Variants in ARHGEF12 observed in about 807,000 individuals in gnomAD.
ARHGEF12 encodes the protein Rho guanine nucleotide exchange factor 12.
ARHGEF12 carries 66 observed loss-of-function variants against 211.2 expected under a neutral mutation model. That is an observed-to-expected ratio of 0.31 (90% confidence interval 0.26 to 0.38). ARHGEF12 has a LOEUF of 0.38. Ranked by LOEUF, ARHGEF12 falls within the 10% of genes least tolerant of loss-of-function variation. The probability of loss-of-function intolerance (pLI) is 1.00; values close to 1 mark genes in which losing one functional copy is unlikely to be tolerated. For missense variants in ARHGEF12, 1,429 were observed against 1,869.5 expected (o/e 0.76, Z 4.34); for synonymous variants, 592 against 638.4 (o/e 0.93, Z 1.09).
At chr11:120,399,439 T>G (rs548628877) in intron 1 of ARHGEF12, among the ~76,000 whole-genome samples, 85 of 151,972 alleles carry the variant, frequency 5.6e-4, no homozygotes, top group Admixed American at 1.4e-3. Flanking sequence ...TTTATACTTT[T>G]CTGATTTTCT....
At chr11:120,381,921 T>A (rs976222010) in intron 1 of ARHGEF12, among the ~76,000 whole-genome samples, 1 of 152,180 alleles carries the variant, frequency 6.6e-6, no homozygotes, top group South Asian at 2.1e-4. Context: ...GATTTTTCCA[T>A]GTAGTAAAAT....
intron 1 of ARHGEF12, among the ~76,000 whole-genome samples, chr11:120,347,144 C>CTT (rs113711181): frequency 1.5e-5 from 1 of 65,194 alleles, no homozygotes; most frequent in African/African-American, 6.2e-5. Context: ...TCCTTCCTTC[C>CTT]TTCCTTCCTT....
chr11:120,458,991 C>A, intron 25 of ARHGEF12, 183 bp from the exon 26 acceptor site: 1 of 446,406 alleles, frequency 2.2e-6, no homozygotes, highest in Non-Finnish European at 3.7e-6. Context: ...GTATTCAACT[C>A]TCAGAGCCAG....
chr11:120,427,849 TG>T (rs1945393416), intron 7 of ARHGEF12, among the ~76,000 whole-genome samples: 2 of 152,172 alleles, frequency 1.3e-5, no homozygotes, highest in African/African-American at 4.8e-5. Flanking sequence ...ACTTGCTATC[TG>T]AAAACGGCAT....
rs1216764480 is a variant in ARHGEF12 at position 120,421,825 on chromosome 11, A to T, written c.321A>T (p.Gly107=). The T allele has an allele frequency of 4.3e-6, 7 of 1,611,530 alleles. No individual in the cohort carries two copies. Among genetic ancestry groups the T allele is most frequent in the African/African-American group, 1.3e-5 (1 of 74,788 alleles). The part of the protein sequence containing the change: ...VKEDGAAMRA[G]VQTGDRIIKV... ...CAGATGGAGCAGCCATGCGGGCTGG[A>T]GTACAGACAGGTGATCGAATCATCA... Residue 107 remains glycine, a synonymous_variant, in exon 6 of 41, where the codon GGA becomes GGT. Transcript: ENST00000397843.
At chr11:120,377,839 TTG>T (rs1372750841) in intron 1 of ARHGEF12, among the ~76,000 whole-genome samples, 1 of 152,212 alleles carries the variant, frequency 6.6e-6, no homozygotes, top group African/African-American at 2.4e-5. Context: ...CTGTAAGTTT[TTG>T]TGTGGCATAT....
At chr11:120,445,511 A>C in intron 16 of ARHGEF12, 47 bp downstream of exon 16, 2 of 1,570,664 alleles carry the variant, frequency 1.3e-6, no homozygotes, top group Non-Finnish European at 1.8e-6. Context: ...CTTAATAGAT[A>C]TGTAGCTCAG....
intron 1 of ARHGEF12, among the ~76,000 whole-genome samples, chr11:120,397,734 T>C (rs1944431379): frequency 6.6e-6 from 1 of 152,236 alleles, no homozygotes; most frequent in Admixed American, 6.5e-5. Context: ...GTGAGGGACC[T>C]CTTTTAAACC....
chr11:120,428,746 A>G (rs929246927), intron 8 of ARHGEF12, among the ~76,000 whole-genome samples: 9 of 152,230 alleles, frequency 5.9e-5, no homozygotes, highest in Admixed American at 5.2e-4. Context: ...GAGAAAGCAC[A>G]TAGAAGAAGA....
intron 23 of ARHGEF12, 142 bp downstream of exon 23, chr11:120,457,392 AGG>A: frequency 1.0e-6 from 1 of 997,712 alleles, no homozygotes; most frequent in Non-Finnish European, 1.4e-6. Context: ...TGGGAGGCTG[AGG>A]CAGGAGAATC....
intron 4 of ARHGEF12, among the ~76,000 whole-genome samples, chr11:120,419,691 A>G (rs557847426): frequency 8.8e-4 from 134 of 152,108 alleles, no homozygotes; most frequent in Non-Finnish European, 1.8e-3. Flanking sequence ...CACAGTCTAT[A>G]TATATTTTTT....
At chr11:120,408,518 A>G (rs1353448436) in intron 3 of ARHGEF12, 1 of 152,116 alleles carries the variant, frequency 6.6e-6, no homozygotes, top group African/African-American at 2.4e-5. Context: ...AAACTGATAT[A>G]TATTTTTTGT....
intron 27 of ARHGEF12, among the ~76,000 whole-genome samples, chr11:120,462,227 A>G (rs1402146147): frequency 6.6e-6 from 1 of 152,162 alleles, no homozygotes; most frequent in Non-Finnish European, 1.5e-5. Context: ...GCCCAAATTC[A>G]ATATTGTTGT....
chr11:120,468,518 T>C (rs542500073), intron 29 of ARHGEF12, among the ~76,000 whole-genome samples: 1 of 152,266 alleles, frequency 6.6e-6, no homozygotes, highest in East Asian at 1.9e-4. Flanking sequence ...GCACAATCTC[T>C]GCTCACTGCA....
intron 7 of ARHGEF12, among the ~76,000 whole-genome samples, chr11:120,425,531 C>G (rs1256742786): frequency 6.6e-6 from 1 of 151,420 alleles, no homozygotes; most frequent in Non-Finnish European, 1.5e-5. Flanking sequence ...CTGTCAAACT[C>G]CTGGGCTCAC....
At chr11:120,477,737 G>GCA in intron 36 of ARHGEF12, 1 of 454,898 alleles carries the variant, frequency 2.2e-6, no homozygotes, top group Non-Finnish European at 3.8e-6. Context: ...ATGGTGGTAG[G>GCA]TGCCTGTAAT....
At chr11:120,391,191 G>A (rs1035496559) in intron 1 of ARHGEF12, among the ~76,000 whole-genome samples, 2 of 152,086 alleles carry the variant, frequency 1.3e-5, no homozygotes, top group African/African-American at 4.8e-5. Context: ...ACAATTTACT[G>A]TATTGTTCCT....
At chr11:120,352,952 C>G (rs571548064) in intron 1 of ARHGEF12, among the ~76,000 whole-genome samples, 15 of 152,320 alleles carry the variant, frequency 9.8e-5, no homozygotes, top group Middle Eastern at 3.4e-3. Context: ...CTTCTTCTTC[C>G]CACTCACCTG....
intron 1 of ARHGEF12, among the ~76,000 whole-genome samples, chr11:120,363,946 G>A (rs1565429670): frequency 6.6e-6 from 1 of 152,178 alleles, no homozygotes; most frequent in Non-Finnish European, 1.5e-5. Context: ...AGCTTTGCCT[G>A]TGATATTCAC....
Sources: allele counts gnomAD v4.1 joint callset (sites outside exome capture counted in the v4.1 genomes callset), GRCh38; gene constraint gnomAD v4.1.1; transcripts MANE v1.5; gene names NCBI Gene and HGNC (gene_info 2026-07-23, HGNC 2026-07-21).